Variants in NOP14 observed in about 807,000 individuals in gnomAD.
The protein encoded by NOP14 is nucleolar protein 14.
In NOP14, 57 loss-of-function variants were observed where a neutral mutation model predicts 101.6. The observed-to-expected ratio is 0.56, with a 90% CI of 0.45 to 0.70. The LOEUF (loss-of-function observed/expected upper bound fraction) is 0.70, where lower values mean the gene tolerates loss of function less well. Among genes scored for constraint, NOP14 ranks in the 30% least tolerant of loss-of-function variants. NOP14 has a pLI of 0.00. For synonymous variants in NOP14, 428 were observed against 424.0 expected (o/e 1.01, Z -0.12); for missense variants, 1,134 against 1,075.5 (o/e 1.05, Z -0.76).
intron 17 of NOP14, 92 bp from the exon 18 acceptor site, chr4:2,939,022 C>A (rs1011691861): frequency 1.2e-5 from 18 of 1,471,880 alleles, no homozygotes; most frequent in Non-Finnish European, 1.6e-5. Flanking sequence ...ACATTAGCCA[C>A]CGTGGCCACG....
chr4:2,956,918 A>G lies in NOP14; in HGVS notation c.331-107T>C, dbSNP rs959028855. On this transcript the variant is annotated intron_variant, in intron 2 of 17. Coordinates refer to ENST00000416614, the MANE Select transcript of NOP14 (RefSeq NM_001291978.2). The stretch of plus-strand genomic sequence containing the variant: ...TTTCCATTATATTTGAAATATGACA[A>G]CGAATCCTAAGCAGCCTTAAAGAGT... The G allele has an allele frequency of 2.5e-5, 25 of 987,570 alleles. No homozygotes were observed. The African/African-American group carries it at 2.6e-4, about 10-fold the overall frequency. The allele number at this position is 987,570 out of a possible 1,614,324, so 61.2% of individuals were successfully genotyped here.
chr4:2,959,966 G>A (rs1010405941), intron 1 of NOP14, among the ~76,000 whole-genome samples: 1 of 151,504 alleles, frequency 6.6e-6, no homozygotes, highest in Non-Finnish European at 1.5e-5. Context: ...ATGCTACACT[G>A]AGACCTTTTT....
chr4:2,956,623 TC>T (rs1382007317), intron 3 of NOP14, 46 bp downstream of exon 3: 3 of 1,566,624 alleles, frequency 1.9e-6, no homozygotes, highest in Non-Finnish European at 2.6e-6. Flanking sequence ...GAACAGACTC[TC>T]CCTGACTCCA....
Position 2,938,291 on chromosome 4 carries a change from C to T in NOP14, c.*540G>A, listed in dbSNP as rs1363691866. 1 of 1,149,746 alleles carries T rather than the reference C, an allele frequency of 8.7e-7. No homozygotes were observed. Among genetic ancestry groups the T allele is most frequent in the Non-Finnish European group, 1.2e-6 (1 of 862,158 alleles). The allele number at this position is 1,149,746 out of a possible 1,614,324, so 71.2% of individuals were successfully genotyped here. ...CACACCTATAATTGGGGGGCCAAGG[C>T]AGGTGGATTACCTGAGGTCGGGAAT... On this transcript the variant is annotated 3_prime_UTR_variant, in exon 18 of 18. Transcript: ENST00000416614.
At chr4:2,943,337 G>A (rs1214529965) in intron 13 of NOP14, among the ~76,000 whole-genome samples, 1 of 152,238 alleles carries the variant, frequency 6.6e-6, no homozygotes, top group Non-Finnish European at 1.5e-5. Flanking sequence ...ATAGAGGACA[G>A]GGGTCTGAGC....
chr4:2,944,410 G>C (rs1714454451), intron 12 of NOP14, among the ~76,000 whole-genome samples, 184 bp from the exon 13 acceptor site: 1 of 132,832 alleles, frequency 7.5e-6, no homozygotes, highest in African/African-American at 2.8e-5. Flanking sequence ...GAGCTTTAGT[G>C]ATTTTTTTTT....
rs372803322 is a variant in NOP14, at chr4:2,941,594, C to T, written c.2187G>A (p.Pro729=). 102 of 1,611,926 alleles carry T rather than the reference C, an allele frequency of 6.3e-5. No homozygotes were observed. Among genetic ancestry groups the T allele is most frequent in the African/African-American group, 2.1e-4 (16 of 74,884 alleles). The change falls in exon 15 of 18, where the codon CCG becomes CCA. Residue 729 remains proline, a synonymous_variant. Transcript: ENST00000416614. ...LTDHLADCSH[P]QELQELCQST... ...CGGGAAGCCTCACCTGGAGCTCCTG[C>T]GGGTGGCTGCAGTCCGCCAGGTGAT...
chr4:2,945,050 A>T, intron 12 of NOP14, 78 bp downstream of exon 12: 1 of 999,816 alleles, frequency 1.0e-6, no homozygotes, highest in Non-Finnish European at 1.5e-6. Context: ...CTCATGTTCC[A>T]CAAGGCCCCG....
At chr4:2,961,071 A>C (rs1415911405) in intron 1 of NOP14, among the ~76,000 whole-genome samples, 1 of 116,552 alleles carries the variant, frequency 8.6e-6, no homozygotes, top group Non-Finnish European at 1.6e-5. Flanking sequence ...TATTATATTA[A>C]TACTATATTA....
Position 2,957,769 on chromosome 4 carries a change from A to G in NOP14, c.196-29T>C, listed in dbSNP as rs1418969374. 1.9e-6 allele frequency: 3 copies of G among 1,608,972 alleles called. No individual in the cohort carries two copies. The African/African-American group carries it at 4.0e-5, about 22-fold the overall frequency. ...GAAAACAGGTCAGAAACAATCTCACAAAAAATTCTTGTGATTTCCACTACA... is the reference window on the plus strand; with the variant it reads ...GAAAACAGGTCAGAAACAATCTCACGAAAAATTCTTGTGATTTCCACTACA... On this transcript the variant is annotated intron_variant, in intron 1 of 17. Transcript: ENST00000416614.
In NOP14 at chr4:2,952,532, G is replaced by T. The variant is rs889053188; in HGVS notation, c.748-135C>A. 12 of 750,262 alleles carry T rather than the reference G, an allele frequency of 1.6e-5. No homozygotes were observed. The African/African-American group carries it at 1.9e-4, about 12-fold the overall frequency. The allele number at this position is 750,262 out of a possible 1,614,324, so 46.5% of individuals were successfully genotyped here. ...ATTGAAGTAGCTAAGCCACATCTAC[G>T]TCTTTTCTTCTAGAGAGAAAACTGT... On this transcript the variant is annotated intron_variant, in intron 5 of 17. Coordinates refer to ENST00000416614, the MANE Select transcript of NOP14 (RefSeq NM_001291978.2).
rs769638994 is a variant in NOP14, at chr4:2,953,567, G to C, written c.691C>G (p.Leu231Val). 9.9e-6 allele frequency: 16 copies of C among 1,614,068 alleles called. No individual in the cohort carries two copies. Among genetic ancestry groups the C allele is most frequent in the African/African-American group, 2.7e-5 (2 of 74,910 alleles). Residue 231 changes from leucine (L) to valine (V), a missense_variant, in exon 5 of 18, where the codon CTC becomes GTC. Coordinates refer to ENST00000416614, the MANE Select transcript of NOP14 (RefSeq NM_001291978.2). The stretch of plus-strand genomic sequence containing the variant: ...GACTTGGGAGTTTTGTGGGACAGGA[G>C]AGTCTGAATTTCTTTCCAGTCTTGG... Reference protein sequence around the residue: ...LDQDWKEIQTLLSHKTPKSEN... With the variant: ...LDQDWKEIQTVLSHKTPKSEN...
At chr4:2,944,461 C>T (rs139694384) in intron 12 of NOP14, among the ~76,000 whole-genome samples, 1,887 of 152,260 alleles carry the variant, frequency 0.012, 14 homozygotes, top group Non-Finnish European at 0.021. Context: ...GGCTGGAGTG[C>T]AATGGCACAA....
chr4:2,946,645 G>T, intron 10 of NOP14, 98 bp from the exon 11 acceptor site: 1 of 1,064,410 alleles, frequency 9.4e-7, no homozygotes, highest in South Asian at 1.4e-5. Flanking sequence ...CCTGTTGACT[G>T]AGCAAGTAAG....
rs1288202294 is a variant in NOP14 at position 2,952,392 on chromosome 4, A to G, written c.753T>C (p.Asp251=). ...NRDKKEKPKP[D]AYDMMVRELG... is the part of the protein sequence containing the mutation. Reference sequence around the variant, plus strand: ...GCTCGCGAACCATCATGTCATATGCATCGGGCTAAGGTAGAAAGAAGAAAT... The same window carrying G: ...GCTCGCGAACCATCATGTCATATGCGTCGGGCTAAGGTAGAAAGAAGAAAT... Residue 251 remains aspartate, a synonymous_variant, in exon 6 of 18, where the codon GAT becomes GAC. Coordinates refer to ENST00000416614, the MANE Select transcript of NOP14 (RefSeq NM_001291978.2). 1.2e-6 allele frequency: 2 copies of G among 1,609,502 alleles called. No individual in the cohort carries two copies. The highest frequency in any genetic ancestry group is 1.3e-5 in the African/African-American group (1 of 75,024).
chr4:2,947,691 C>T (rs1166009281), intron 9 of NOP14, 80 bp from the exon 10 acceptor site: 11 of 1,178,166 alleles, frequency 9.3e-6, no homozygotes, highest in East Asian at 2.3e-5. Context: ...TTCTGGATCA[C>T]GTACATTCTG....
chr4:2,963,313 T>C lies in NOP14; in HGVS notation c.7A>G (p.Lys3Glu). MA[K>E]AKKVGARRKA... ...CTTCGCGCCCCGACCTTCTTCGCCTTCGCCATGGCGCGCGCCCCGCTGCGC... is the reference window on the plus strand; with the variant it reads ...CTTCGCGCCCCGACCTTCTTCGCCTCCGCCATGGCGCGCGCCCCGCTGCGC... The change falls in exon 1 of 18, where the codon AAG becomes GAG. Residue 3 changes from lysine (K) to glutamate (E), a missense_variant. By Grantham distance (56) the Lys-to-Glu change is moderately conservative. Transcript: ENST00000416614. 3 of 1,580,700 alleles carry C rather than the reference T, an allele frequency of 1.9e-6. No individual in the cohort carries two copies. Among genetic ancestry groups the C allele is most frequent in the Non-Finnish European group, 2.6e-6 (3 of 1,167,464 alleles).
Position 2,953,544 on chromosome 4 carries a change from C to T in NOP14, c.714G>A (p.Lys238=), listed in dbSNP as rs144870035. ...IQTLLSHKTP[K]SENRDKKEKP... ...TTTCCTTTTTGTCTCTGTTCTCTGACTTGGGAGTTTTGTGGGACAGGAGAG... is the reference window on the plus strand; with the variant it reads ...TTTCCTTTTTGTCTCTGTTCTCTGATTTGGGAGTTTTGTGGGACAGGAGAG... Residue 238 remains lysine (K), a synonymous_variant, in exon 5 of 18, where the codon AAG becomes AAA. Coordinates refer to ENST00000416614, the MANE Select transcript of NOP14 (RefSeq NM_001291978.2). 993 of 1,614,220 alleles carry T rather than the reference C, an allele frequency of 6.2e-4. 2 individuals carry two copies. Among genetic ancestry groups the T allele is most frequent in the Middle Eastern group, 4.8e-3 (29 of 6,062 alleles).
chr4:2,944,318 C>A, intron 12 of NOP14, 92 bp from the exon 13 acceptor site: 5 of 1,136,078 alleles, frequency 4.4e-6, no homozygotes, highest in East Asian at 2.4e-5. Context: ...CCACGCACCC[C>A]ACTGAGCTTC....
Sources: allele counts gnomAD v4.1 joint callset (sites outside exome capture counted in the v4.1 genomes callset), GRCh38; gene constraint gnomAD v4.1.1; transcripts MANE v1.5; gene names NCBI Gene and HGNC (gene_info 2026-07-23, HGNC 2026-07-21).